The following EFCAB8 variants were observed in gnomAD, a reference collection of about 807,000 sequenced individuals.
The protein encoded by EFCAB8 is EF-hand calcium-binding domain-containing protein 8.
A neutral mutation model predicts 116.3 loss-of-function variants in EFCAB8; 100 were observed. That is an observed-to-expected ratio of 0.86 (90% CI 0.73 to 1.02). EFCAB8 has a LOEUF of 1.02. EFCAB8 is among the 50% of genes least tolerant of loss of function. EFCAB8 has a pLI of 0.00. For missense variants in EFCAB8, 1,320 were observed against 1,416.9 expected (o/e 0.93, Z 1.10); for synonymous variants, 558 against 567.9 (o/e 0.98, Z 0.25).
chr20:32,900,797 C>T (rs1245466854), intron 11 of EFCAB8, among the ~76,000 whole-genome samples: 1 of 151,452 alleles, frequency 6.6e-6, no homozygotes, highest in African/African-American at 2.4e-5. Flanking sequence ...CTCGATCTCC[C>T]AACCTTGTGA....
chr20:32,872,584 A>G (rs1984735692), intron 3 of EFCAB8, among the ~76,000 whole-genome samples: 1 of 152,030 alleles, frequency 6.6e-6, no homozygotes, highest in Non-Finnish European at 1.5e-5. Context: ...TCAAGAGGTC[A>G]AGGGTTCGAG....
At chr20:32,864,396 A>C (rs1385040167) in intron 2 of EFCAB8, among the ~76,000 whole-genome samples, 15 of 152,046 alleles carry the variant, frequency 9.9e-5, no homozygotes, top group Admixed American at 9.8e-4. Context: ...CTGCCTGGGC[A>C]ACATAGTGAA....
intron 17 of EFCAB8, among the ~76,000 whole-genome samples, chr20:32,916,874 G>T (rs1326397038): frequency 6.6e-6 from 1 of 151,976 alleles, no homozygotes; most frequent in Non-Finnish European, 1.5e-5. Context: ...GGGTGTTGTG[G>T]GTGGAGTGCA....
At chr20:32,870,984 G>A (rs1043209109) in intron 3 of EFCAB8, among the ~76,000 whole-genome samples, 2 of 151,552 alleles carry the variant, frequency 1.3e-5, no homozygotes, top group Non-Finnish European at 2.9e-5. Flanking sequence ...TCAGCCTCCC[G>A]AGTAGCTGGG....
intron 22 of EFCAB8, among the ~76,000 whole-genome samples, chr20:32,943,344 TAGTCATATGCA>T (rs148890603): frequency 0.042 from 6,439 of 152,320 alleles, 170 homozygotes; most frequent in Non-Finnish European, 0.067. Flanking sequence ...GTAAACAATG[TAGTCATATGCA>T]AGTCATATGC....
Position 32,875,993 on chromosome 20 carries a change from A to C in EFCAB8, c.276A>C (p.Leu92=). The stretch of plus-strand genomic sequence containing the variant: ...TGAGCAGTGTGTCGGACGAGATGCT[A>C]AAGGAGCTGTTTTTGAAGGTGGACT... ...KVLSSVSDEM[L]KELFLKVDSD... Residue 92 remains leucine (L), a synonymous_variant, in exon 4 of 27, where the codon CTA becomes CTC. Coordinates refer to ENST00000400522, the MANE Select transcript of EFCAB8 (RefSeq NM_001143967.2). 1 of 1,552,206 alleles carries C rather than the reference A, an allele frequency of 6.4e-7. No individual in the cohort carries two copies. Among genetic ancestry groups the C allele is most frequent in the South Asian group, 1.2e-5 (1 of 84,058 alleles).
chr20:32,860,713 A>G (rs1184372235), intron 1 of EFCAB8, among the ~76,000 whole-genome samples: 1 of 151,418 alleles, frequency 6.6e-6, no homozygotes, highest in Non-Finnish European at 1.5e-5. Flanking sequence ...CATAGTGTGC[A>G]CCCTTTTCTG....
intron 9 of EFCAB8, among the ~76,000 whole-genome samples, chr20:32,893,686 C>T (rs1485584093): frequency 2.6e-5 from 4 of 151,980 alleles, no homozygotes; most frequent in African/African-American, 9.7e-5. Flanking sequence ...GAGGCATGTG[C>T]TCTCCTTGGC....
chr20:32,872,672 T>C (rs1248611602), intron 3 of EFCAB8, among the ~76,000 whole-genome samples: 1 of 151,636 alleles, frequency 6.6e-6, no homozygotes, highest in Admixed American at 6.6e-5. Context: ...TGGGTGCCTG[T>C]AGTTCCAGCT....
intron 22 of EFCAB8, among the ~76,000 whole-genome samples, chr20:32,932,009 G>A (rs1987928538): frequency 6.6e-6 from 1 of 152,144 alleles, no homozygotes; most frequent in South Asian, 2.1e-4. Flanking sequence ...TCATGAAGGG[G>A]ACTTCTGGAG....
At chr20:32,861,732 CAA>C (rs1568893171) in intron 1 of EFCAB8, among the ~76,000 whole-genome samples, 1 of 152,164 alleles carries the variant, frequency 6.6e-6, no homozygotes, top group African/African-American at 2.4e-5. Flanking sequence ...GACCCCATCT[CAA>C]AAGATCGCCA....
At chr20:32,886,531 T>C (rs181153240) in intron 6 of EFCAB8, among the ~76,000 whole-genome samples, 2 of 152,270 alleles carry the variant, frequency 1.3e-5, no homozygotes, top group Admixed American at 1.3e-4. Context: ...GCTCATCCTT[T>C]GGGGAAGAAG....
intron 20 of EFCAB8, among the ~76,000 whole-genome samples, chr20:32,926,471 A>G (rs990826443): frequency 1.4e-5 from 2 of 147,358 alleles, no homozygotes; most frequent in African/African-American, 5.0e-5. Flanking sequence ...TGTGGTGGAC[A>G]GTTTTTCCTC....
intron 3 of EFCAB8, among the ~76,000 whole-genome samples, chr20:32,872,455 GCT>G (rs1346012593): frequency 6.6e-6 from 1 of 152,102 alleles, no homozygotes; most frequent in Admixed American, 6.5e-5. Flanking sequence ...CCATCCCAGA[GCT>G]CTCAGGCTGG....
At chr20:32,941,636 T>C (rs1219203386) in intron 22 of EFCAB8, among the ~76,000 whole-genome samples, 1 of 152,230 alleles carries the variant, frequency 6.6e-6, no homozygotes, top group Non-Finnish European at 1.5e-5. Context: ...TATTGTGTGA[T>C]TCTGCTTAAA....
At chr20:32,941,967 T>C (rs930741770) in intron 22 of EFCAB8, among the ~76,000 whole-genome samples, 2 of 152,238 alleles carry the variant, frequency 1.3e-5, no homozygotes, top group African/African-American at 4.8e-5. Flanking sequence ...GTACATCTAG[T>C]AATTTGTCCC....
At chr20:32,879,542 A>G (rs1011528574) in intron 5 of EFCAB8, among the ~76,000 whole-genome samples, 1 of 152,202 alleles carries the variant, frequency 6.6e-6, no homozygotes, top group Non-Finnish European at 1.5e-5. Flanking sequence ...TTTATTTAAT[A>G]TAAGTTTTAC....
At chr20:32,930,715 G>A in intron 21 of EFCAB8, 99 bp downstream of exon 21, 2 of 1,153,798 alleles carry the variant, frequency 1.7e-6, no homozygotes, top group Non-Finnish European at 2.5e-6. Flanking sequence ...TACTCTGTCT[G>A]GGTACTGGTT....
intron 11 of EFCAB8, among the ~76,000 whole-genome samples, chr20:32,899,227 TACA>T (rs1183552406): frequency 7.4e-6 from 1 of 135,530 alleles, no homozygotes; most frequent in Non-Finnish European, 1.6e-5. Context: ...CTACTAAAAA[TACA>T]ATAATAATAA....
Sources: allele counts gnomAD v4.1 joint callset (sites outside exome capture counted in the v4.1 genomes callset), GRCh38; gene constraint gnomAD v4.1.1; transcripts MANE v1.5; gene names NCBI Gene and HGNC (gene_info 2026-07-23, HGNC 2026-07-21).